CPE: variants seen among roughly 807,000 people sequenced by gnomAD.
CPE encodes the protein carboxypeptidase E, also known as carbocypeptidase E.
In CPE, 17 loss-of-function variants were observed where a neutral mutation model predicts 53.5. The observed-to-expected ratio is 0.32, with a 90% CI of 0.22 to 0.48. CPE has a LOEUF of 0.48. CPE is among the 20% of genes least tolerant of loss of function. The probability of loss-of-function intolerance (pLI) is 0.99; values close to 1 mark genes in which losing one functional copy is unlikely to be tolerated. For synonymous variants in CPE, 226 were observed against 228.8 expected (o/e 0.99, Z 0.11); for missense variants, 524 against 614.7 (o/e 0.85, Z 1.56).
At chr4:165,481,598 A>T (rs1289009682) in intron 3 of CPE, among the ~76,000 whole-genome samples, 1 of 152,172 alleles carries the variant, frequency 6.6e-6, no homozygotes, top group African/African-American at 2.4e-5. Flanking sequence ...TGCTTCCAAG[A>T]TATGAGGGGC....
At chr4:165,491,613 AT>A (rs1490738465) in intron 6 of CPE, among the ~76,000 whole-genome samples, 1 of 152,190 alleles carries the variant, frequency 6.6e-6, no homozygotes, top group Non-Finnish European at 1.5e-5. Flanking sequence ...TAAATCTTAA[AT>A]TTTTAAAAAT....
intron 1 of CPE, among the ~76,000 whole-genome samples, chr4:165,419,692 A>G (rs1246938916): frequency 6.6e-6 from 1 of 152,164 alleles, no homozygotes; most frequent in Non-Finnish European, 1.5e-5. Context: ...TACATAAGCC[A>G]TTGTCCATTG....
chr4:165,472,268 C>A (rs1036206826), intron 3 of CPE, among the ~76,000 whole-genome samples: 3 of 152,178 alleles, frequency 2.0e-5, no homozygotes, highest in African/African-American at 4.8e-5. Flanking sequence ...ATGTTACAAT[C>A]TTTAAAGTTA....
intron 5 of CPE, 122 bp from the exon 6 acceptor site, chr4:165,487,316 A>T (rs1280734954): frequency 7.4e-7 from 1 of 1,349,374 alleles, no homozygotes; most frequent in Admixed American, 2.1e-5. Flanking sequence ...AAGTTTTCCC[A>T]CAGGCTTCCC....
chr4:165,446,003 G>A (rs1219962316), intron 1 of CPE, among the ~76,000 whole-genome samples: 1 of 152,054 alleles, frequency 6.6e-6, no homozygotes, highest in Non-Finnish European at 1.5e-5. Flanking sequence ...TTTAAATTCA[G>A]AGGGAAAACG....
At chr4:165,461,781 T>C (rs111243835) in intron 1 of CPE, among the ~76,000 whole-genome samples, 2,603 of 152,304 alleles carry the variant, frequency 0.017, 63 homozygotes, top group African/African-American at 0.048. Context: ...ACAAATGCTG[T>C]ATTTAAACAA....
At chr4:165,450,973 C>T (rs1731797245) in intron 1 of CPE, among the ~76,000 whole-genome samples, 1 of 152,124 alleles carries the variant, frequency 6.6e-6, no homozygotes, top group Non-Finnish European at 1.5e-5. Flanking sequence ...TTGGAGGTTC[C>T]AAATGGCCTT....
chr4:165,447,856 A>C (rs576139591), intron 1 of CPE, among the ~76,000 whole-genome samples: 2 of 152,248 alleles, frequency 1.3e-5, no homozygotes, highest in East Asian at 3.9e-4. Flanking sequence ...CACACAGATT[A>C]ACCTAGGCCT....
chr4:165,411,761 A>G (rs1483980197), intron 1 of CPE, among the ~76,000 whole-genome samples: 1 of 152,186 alleles, frequency 6.6e-6, no homozygotes, highest in African/African-American at 2.4e-5. Flanking sequence ...TAAAAATTCA[A>G]AGTGAAAAGT....
rs1186541456 is a variant in CPE, at chr4:165,392,212, T to TAC, written c.307+12685_307+12686dup. On this transcript the variant is annotated intron_variant, in intron 1 of 8. Transcript: ENST00000402744. ...TACTTATATATATATAGTATATGTA[T>TAC]ACTAGTATATATACTAATATATAGT... 2.0e-5 allele frequency among the ~76,000 whole-genome samples: 3 copies of TAC among 147,166 alleles called. No homozygotes were observed. The Admixed American group carries it at 2.1e-4, about 10-fold the overall frequency.
intron 5 of CPE, among the ~76,000 whole-genome samples, chr4:165,487,225 G>A (rs529228240): frequency 6.6e-6 from 1 of 152,296 alleles, no homozygotes; most frequent in Admixed American, 6.5e-5. Context: ...CTTTTGCTTA[G>A]GAACCTGAGA....
intron 2 of CPE, among the ~76,000 whole-genome samples, chr4:165,465,813 G>A (rs1732087844): frequency 6.6e-6 from 1 of 152,060 alleles, no homozygotes; most frequent in South Asian, 2.1e-4. Flanking sequence ...TTCATTTTAA[G>A]CTTCTAATCT....
chr4:165,380,711 T>C (rs1730494157), intron 1 of CPE, among the ~76,000 whole-genome samples: 1 of 152,202 alleles, frequency 6.6e-6, no homozygotes, highest in Non-Finnish European at 1.5e-5. Flanking sequence ...CATTTTGATC[T>C]TCAAATATAT....
At chr4:165,414,249 C>T (rs1731086947) in intron 1 of CPE, among the ~76,000 whole-genome samples, 1 of 152,088 alleles carries the variant, frequency 6.6e-6, no homozygotes, top group Non-Finnish European at 1.5e-5. Flanking sequence ...TTGGATTTAT[C>T]TTGAAAACAG....
chr4:165,454,838 A>T (rs1731873782), intron 1 of CPE, among the ~76,000 whole-genome samples: 1 of 152,256 alleles, frequency 6.6e-6, no homozygotes, highest in Non-Finnish European at 1.5e-5. Context: ...ACAGTTTTAG[A>T]AACTTGAATA....
At chr4:165,432,802 G>A (rs562199093) in intron 1 of CPE, among the ~76,000 whole-genome samples, 3 of 151,932 alleles carry the variant, frequency 2.0e-5, no homozygotes, top group Admixed American at 6.6e-5. Flanking sequence ...AGCGCAACCC[G>A]CCCCCAGCTG....
chr4:165,397,647 ATAT>A (rs1439847945), intron 1 of CPE, among the ~76,000 whole-genome samples: 1 of 152,178 alleles, frequency 6.6e-6, no homozygotes, highest in African/African-American at 2.4e-5. Context: ...GTATTTCCAA[ATAT>A]TATTTTAGAT....
chr4:165,456,510 TTCTTTGTTTC>T (rs146954085), intron 1 of CPE, among the ~76,000 whole-genome samples: 4,217 of 152,018 alleles, frequency 0.028, 86 homozygotes, highest in Middle Eastern at 0.068. Flanking sequence ...TCATCTTTCT[TTCTTTGTTTC>T]TCTTTGTTTC....
At chr4:165,459,728 C>T (rs907923103) in intron 1 of CPE, among the ~76,000 whole-genome samples, 3 of 143,648 alleles carry the variant, frequency 2.1e-5, no homozygotes, top group African/African-American at 8.0e-5. Context: ...CCAGCTTGGC[C>T]AATATGGTGA....
Sources: allele counts gnomAD v4.1 joint callset (sites outside exome capture counted in the v4.1 genomes callset), GRCh38; gene constraint gnomAD v4.1.1; transcripts MANE v1.5; gene names NCBI Gene and HGNC (gene_info 2026-07-23, HGNC 2026-07-21).